UBE3D: variants seen among roughly 807,000 people sequenced by gnomAD.
The protein encoded by UBE3D is E3 ubiquitin-protein ligase E3D.
A neutral mutation model predicts 49.6 loss-of-function variants in UBE3D; 48 were observed. The ratio of observed to expected loss-of-function variants is 0.97; its 90% CI spans 0.77 to 1.23. UBE3D has a LOEUF of 1.23. Ranked by LOEUF, UBE3D falls within the 50% of genes most tolerant of loss-of-function variation. The probability of loss-of-function intolerance (pLI) is 0.00; values close to 1 mark genes in which losing one functional copy is unlikely to be tolerated. For synonymous variants in UBE3D, 189 were observed against 174.2 expected (o/e 1.08, Z -0.67); for missense variants, 452 against 468.4 (o/e 0.96, Z 0.32).
At chr6:83,027,458 A>AAAAAAAAAG (rs571635643) in intron 5 of UBE3D, among the ~76,000 whole-genome samples, 4 of 147,466 alleles carry the variant, frequency 2.7e-5, no homozygotes, top group African/African-American at 1.0e-4. Context: ...AAAAAAAAAA[A>AAAAAAAAAG]AAAGAAACCA....
intron 9 of UBE3D, among the ~76,000 whole-genome samples, chr6:82,905,432 C>G (rs1255021762): frequency 6.6e-6 from 1 of 152,082 alleles, no homozygotes; most frequent in Non-Finnish European, 1.5e-5. Flanking sequence ...TAGCCACAAA[C>G]TTAATCGATA....
chr6:82,968,821 G>A (rs1482587259), intron 8 of UBE3D, among the ~76,000 whole-genome samples: 1 of 152,110 alleles, frequency 6.6e-6, no homozygotes, highest in Non-Finnish European at 1.5e-5. Flanking sequence ...TTTGTTGGCT[G>A]TTTGGATTTG....
intron 8 of UBE3D, among the ~76,000 whole-genome samples, chr6:82,967,158 G>A (rs1777001113): frequency 6.6e-6 from 1 of 151,748 alleles, no homozygotes; most frequent in South Asian, 2.1e-4. Flanking sequence ...CCCACTTTTT[G>A]TTCTGAGATA....
chr6:82,922,247 A>G (rs1217862286), intron 9 of UBE3D, among the ~76,000 whole-genome samples: 2 of 152,222 alleles, frequency 1.3e-5, no homozygotes, highest in African/African-American at 4.8e-5. Flanking sequence ...ACATTTAAAG[A>G]CATCGAATCA....
intron 4 of UBE3D, among the ~76,000 whole-genome samples, chr6:83,040,584 G>A (rs1446960779): frequency 6.6e-6 from 1 of 152,144 alleles, no homozygotes; most frequent in African/African-American, 2.4e-5. Flanking sequence ...TTCATACACT[G>A]AATTAACCTT....
At chr6:82,997,043 G>A (rs1199010095) in intron 8 of UBE3D, among the ~76,000 whole-genome samples, 2 of 152,084 alleles carry the variant, frequency 1.3e-5, no homozygotes, top group Non-Finnish European at 2.9e-5. Context: ...TGGGTTAGGG[G>A]TACACAGGAA....
chr6:82,942,054 A>G (rs993122577), intron 9 of UBE3D, among the ~76,000 whole-genome samples: 2 of 152,190 alleles, frequency 1.3e-5, no homozygotes, highest in African/African-American at 4.8e-5. Context: ...GAGGGCTCAG[A>G]GGAAGACAGG....
intron 1 of UBE3D, among the ~76,000 whole-genome samples, chr6:83,062,189 C>T (rs981640714): frequency 1.3e-5 from 2 of 152,104 alleles, no homozygotes; most frequent in Non-Finnish European, 2.9e-5. Flanking sequence ...TGGCTGTATT[C>T]TCAGCACTTA....
chr6:82,980,290 A>G (rs892565254), intron 8 of UBE3D, among the ~76,000 whole-genome samples: 1 of 152,078 alleles, frequency 6.6e-6, no homozygotes, highest in African/African-American at 2.4e-5. Context: ...TGACTGGTGT[A>G]AGATGATATC....
intron 5 of UBE3D, 106 bp from the exon 6 acceptor site, chr6:83,024,144 T>A (rs566430024): frequency 4.7e-4 from 254 of 546,000 alleles, no homozygotes; most frequent in African/African-American, 4.6e-3. Flanking sequence ...TTAAATATAC[T>A]GGTAAAATTA....
chr6:82,927,690 T>C (rs543474884), intron 9 of UBE3D, among the ~76,000 whole-genome samples: 169 of 152,094 alleles, frequency 1.1e-3, no homozygotes, highest in African/African-American at 3.9e-3. Context: ...AGGAAGGCAA[T>C]TGGCTTTTGT....
chr6:82,997,298 T>C (rs73481021), intron 8 of UBE3D, among the ~76,000 whole-genome samples: 1,527 of 152,068 alleles, frequency 0.01, 28 homozygotes, highest in African/African-American at 0.035. Context: ...ACGAAATAAA[T>C]CATGAAATAC....
chr6:82,929,293 TA>T (rs1005635271), intron 9 of UBE3D, among the ~76,000 whole-genome samples: 12 of 152,176 alleles, frequency 7.9e-5, no homozygotes, highest in African/African-American at 2.9e-4. Flanking sequence ...TTCTCGGTTT[TA>T]CCATGGAACT....
intron 8 of UBE3D, among the ~76,000 whole-genome samples, chr6:82,962,185 A>T (rs1324528066): frequency 6.6e-6 from 1 of 152,138 alleles, no homozygotes; most frequent in African/African-American, 2.4e-5. Flanking sequence ...TTTCTTCTTT[A>T]TACTTTTATT....
downstream of UBE3D, among the ~76,000 whole-genome samples, chr6:82,890,275 C>G (rs1770956911): frequency 6.6e-6 from 1 of 152,120 alleles, no homozygotes; most frequent in African/African-American, 2.4e-5. Flanking sequence ...TTCACTCACC[C>G]ACAGCAACAA....
intron 8 of UBE3D, among the ~76,000 whole-genome samples, chr6:82,993,290 T>A (rs1252347769): frequency 6.6e-6 from 1 of 152,158 alleles, no homozygotes; most frequent in East Asian, 1.9e-4. Context: ...TCTTCCAATC[T>A]TTTCCTCTTG....
intron 9 of UBE3D, among the ~76,000 whole-genome samples, chr6:82,910,516 G>A (rs1772422341): frequency 6.6e-6 from 1 of 152,110 alleles, no homozygotes; most frequent in Admixed American, 6.6e-5. Context: ...CCCAGAAAAT[G>A]ATCTGCTCTT....
At chr6:83,036,117 G>C (rs551520338) in intron 5 of UBE3D, 2 of 138,414 alleles carry the variant, frequency 1.4e-5, no homozygotes, top group Non-Finnish European at 3.0e-5. Context: ...TTTGCCTCCC[G>C]GGTTCAAGCG....
At chr6:83,011,062 C>T (rs151170753) in intron 8 of UBE3D, among the ~76,000 whole-genome samples, 153 of 152,222 alleles carry the variant, frequency 1.0e-3, no homozygotes, top group African/African-American at 3.5e-3. Flanking sequence ...GTCATAATTA[C>T]GCCTAACATA....
Sources: gnomAD v4.1 joint callset for allele counts (sites outside exome capture counted in the v4.1 genomes callset) on GRCh38, gnomAD v4.1.1 for gene constraint, MANE v1.5 for transcripts, NCBI Gene and HGNC (gene_info 2026-07-23, HGNC 2026-07-21) for gene names.